PLA2R1: variants seen among roughly 807,000 people sequenced by gnomAD.
The protein encoded by PLA2R1 is secretory phospholipase A2 receptor.
In PLA2R1, 158 loss-of-function variants were observed where a neutral mutation model predicts 195.9. The ratio of observed to expected loss-of-function variants is 0.81; its 90% confidence interval spans 0.71 to 0.92. The LOEUF (loss-of-function observed/expected upper bound fraction) is 0.92, where lower values mean the gene tolerates loss of function less well. PLA2R1 is among the 40% of genes least tolerant of loss of function. The pLI is 0.00. For synonymous variants in PLA2R1, 586 were observed against 598.2 expected (o/e 0.98, Z 0.30); for missense variants, 1,626 against 1,764.6 (o/e 0.92, Z 1.41).
chr2:160,011,624 T>C (rs1046804222), intron 10 of PLA2R1, among the ~76,000 whole-genome samples: 2 of 152,202 alleles, frequency 1.3e-5, no homozygotes, highest in African/African-American at 2.4e-5. Context: ...ATTGGACTTA[T>C]TTTCTTTGGT....
chr2:160,028,323 TTCCACAGTGA>T lies in PLA2R1; in HGVS notation c.984_993del (p.Asp328GlufsTer28). The T allele has an allele frequency of 6.2e-7, 1 of 1,609,208 alleles. No individual in the cohort carries two copies. The highest frequency in any genetic ancestry group is 8.5e-7 in the Non-Finnish European group (1 of 1,176,312). On this transcript the variant is annotated frameshift_variant, in exon 6 of 30. Coordinates refer to ENST00000283243, the MANE Select transcript of PLA2R1 (RefSeq NM_007366.5). LOFTEE classifies it high-confidence loss of function. Reference sequence around the variant, plus strand: ...GCACTTGGCATAAATGAACTAAATGTTCCACAGTGATCTTCAACAAATGGCTCAAAATTTA... The same window carrying T: ...GCACTTGGCATAAATGAACTAAATGTTCTTCAACAAATGGCTCAAAATTTA...
chr2:159,988,445 T>A (rs1031902869), intron 11 of PLA2R1, among the ~76,000 whole-genome samples: 3 of 152,078 alleles, frequency 2.0e-5, no homozygotes, highest in Non-Finnish European at 4.4e-5. Flanking sequence ...GCAATTCTAA[T>A]AAATATAATG....
rs746416280 is a variant in PLA2R1, at chr2:160,016,621, C to T, written c.1544G>A (p.Cys515Tyr). 1.9e-6 allele frequency: 3 copies of T among 1,564,274 alleles called. No homozygotes were observed. The highest frequency in any genetic ancestry group is 3.3e-5 in the Admixed American group (2 of 59,892). Reference protein sequence around the residue: ...GHVLSDAESGCQEGWERHGGF... With the variant: ...GHVLSDAESGYQEGWERHGGF... Reference sequence around the variant, plus strand: ...AATGTTAACAGCACTTACCTCTTGACATCCTGATTCAGCATCAGAGAGGAC... The same window carrying T: ...AATGTTAACAGCACTTACCTCTTGATATCCTGATTCAGCATCAGAGAGGAC... Residue 515 changes from cysteine (C) to tyrosine (Y), a missense_variant, in exon 9 of 30, where the codon TGT becomes TAT. Transcript: ENST00000283243.
At chr2:160,024,154 C>A (rs1206400727) in intron 6 of PLA2R1, among the ~76,000 whole-genome samples, 1 of 152,164 alleles carries the variant, frequency 6.6e-6, no homozygotes, top group Non-Finnish European at 1.5e-5. Flanking sequence ...GTCTATTGCG[C>A]TGCACAATGT....
At chr2:160,061,177 C>T (rs1009587141) in intron 1 of PLA2R1, among the ~76,000 whole-genome samples, 8 of 152,210 alleles carry the variant, frequency 5.3e-5, no homozygotes, top group African/African-American at 1.9e-4. Context: ...AGGATGGAGG[C>T]TGTCTGGAGG....
chr2:159,978,022 T>C (rs1478733284), intron 14 of PLA2R1, among the ~76,000 whole-genome samples: 1 of 152,206 alleles, frequency 6.6e-6, no homozygotes, highest in African/African-American at 2.4e-5. Context: ...TGGTCTGAAT[T>C]TGCACATTTT....
chr2:159,960,899 T>C (rs1035185714), intron 20 of PLA2R1, among the ~76,000 whole-genome samples: 1 of 152,224 alleles, frequency 6.6e-6, no homozygotes, highest in Non-Finnish European at 1.5e-5. Flanking sequence ...CAAAGTTTAA[T>C]GGGACATAAT....
At chr2:159,995,007 A>C (rs1402575293) in intron 11 of PLA2R1, among the ~76,000 whole-genome samples, 2 of 151,972 alleles carry the variant, frequency 1.3e-5, no homozygotes, top group African/African-American at 4.8e-5. Flanking sequence ...TGAGTTTATA[A>C]AAAGCTGTAG....
At chr2:160,001,228 T>C (rs1691571083) in intron 11 of PLA2R1, among the ~76,000 whole-genome samples, 1 of 152,146 alleles carries the variant, frequency 6.6e-6, no homozygotes, top group Admixed American at 6.6e-5. Context: ...CTTTTAAAGA[T>C]GAATAACTTT....
In PLA2R1 at chr2:159,961,779, G is replaced by C. The variant is rs112730945; in HGVS notation, c.2905-5152C>G. The stretch of plus-strand genomic sequence containing the variant: ...TGTGTACAGGAGGACACATGGGATG[G>C]AGGTGAACTGTGTGGGTAAAAATCA... On this transcript the variant is annotated intron_variant, in intron 20 of 29. Transcript: ENST00000283243. Among the ~76,000 whole-genome samples, 1,280 of 152,264 alleles carry C rather than the reference G, an allele frequency of 8.4e-3. 13 individuals are homozygous for C. The highest frequency in any genetic ancestry group is 0.015 in the Admixed American group (224 of 15,276).
At chr2:160,000,924 G>A (rs1691544908) in intron 11 of PLA2R1, among the ~76,000 whole-genome samples, 1 of 152,030 alleles carries the variant, frequency 6.6e-6, no homozygotes, top group African/African-American at 2.4e-5. Flanking sequence ...GAGAGGCTGA[G>A]TAATTGGAAT....
chr2:160,015,740 T>C (rs1692693418), intron 9 of PLA2R1, among the ~76,000 whole-genome samples: 1 of 152,184 alleles, frequency 6.6e-6, no homozygotes, highest in Non-Finnish European at 1.5e-5. Context: ...ATATCTACTA[T>C]CCAACTAGAG....
intron 1 of PLA2R1, among the ~76,000 whole-genome samples, chr2:160,047,061 T>C (rs1167550384): frequency 6.6e-6 from 1 of 152,202 alleles, no homozygotes; most frequent in East Asian, 1.9e-4. Flanking sequence ...TATGTTCAAA[T>C]GTATTATAAG....
chr2:160,037,539 A>G (rs143958886), intron 3 of PLA2R1, among the ~76,000 whole-genome samples: 1 of 152,212 alleles, frequency 6.6e-6, no homozygotes, highest in East Asian at 1.9e-4. Flanking sequence ...TATCACTGAC[A>G]TTGTTTGGAA....
At chr2:159,944,159 T>G (rs1687246554) in intron 28 of PLA2R1, among the ~76,000 whole-genome samples, 1 of 152,170 alleles carries the variant, frequency 6.6e-6, no homozygotes, top group South Asian at 2.1e-4. Context: ...AGCCCTTTGC[T>G]CTAATTGAAA....
At chr2:159,988,840 A>G (rs1690545566) in intron 11 of PLA2R1, among the ~76,000 whole-genome samples, 1 of 152,172 alleles carries the variant, frequency 6.6e-6, no homozygotes, top group African/African-American at 2.4e-5. Flanking sequence ...GAAAATGAAG[A>G]GTGCAAAGGA....
chr2:159,958,474 T>C (rs1688242660), intron 20 of PLA2R1, among the ~76,000 whole-genome samples: 1 of 152,104 alleles, frequency 6.6e-6, no homozygotes, highest in Non-Finnish European at 1.5e-5. Context: ...TAATACAATA[T>C]CTTTCCCCAT....
intron 14 of PLA2R1, among the ~76,000 whole-genome samples, chr2:159,977,679 T>G (rs546847444): frequency 3.9e-5 from 6 of 152,194 alleles, no homozygotes; most frequent in Non-Finnish European, 8.8e-5. Flanking sequence ...GGCTCATGCC[T>G]GTAATCCCAG....
chr2:159,991,966 T>C (rs1268717362), intron 11 of PLA2R1, among the ~76,000 whole-genome samples: 3 of 122,138 alleles, frequency 2.5e-5, no homozygotes, highest in Non-Finnish European at 3.5e-5. Flanking sequence ...TATAGTCCTT[T>C]GGGTATATAC....
Sources: allele counts gnomAD v4.1 joint callset (sites outside exome capture counted in the v4.1 genomes callset), GRCh38; gene constraint gnomAD v4.1.1; transcripts MANE v1.5; gene names NCBI Gene and HGNC (gene_info 2026-07-23, HGNC 2026-07-21).